ITPR2: variants seen among roughly 807,000 people sequenced by gnomAD.
ITPR2 encodes the protein inositol 1,4,5-trisphosphate-gated calcium channel ITPR2.
ITPR2 carries 207 observed loss-of-function variants against 317.1 expected under a neutral mutation model. The ratio of observed to expected loss-of-function variants is 0.65; its 90% CI spans 0.58 to 0.73. The LOEUF (loss-of-function observed/expected upper bound fraction) is 0.73. ITPR2 is among the 30% of genes least tolerant of loss of function. The pLI, the probability that ITPR2 is intolerant of heterozygous loss-of-function variation, is 0.00. For synonymous variants in ITPR2, 1,156 were observed against 1,149.1 expected (o/e 1.01, Z -0.12); for missense variants, 2,613 against 3,284.0 (o/e 0.80, Z 4.99).
intron 2 of ITPR2, among the ~76,000 whole-genome samples, chr12:26,753,402 T>C (rs1342817269): frequency 1.3e-5 from 2 of 152,146 alleles, no homozygotes; most frequent in African/African-American, 4.8e-5. Context: ...TCGTGGGACA[T>C]GGGGAGCTTT....
At chr12:26,781,732 G>A (rs1469623846) in intron 2 of ITPR2, among the ~76,000 whole-genome samples, 1 of 151,934 alleles carries the variant, frequency 6.6e-6, no homozygotes, top group African/African-American at 2.4e-5. Context: ...TGCCAAAGGA[G>A]ATTAACATCT....
Position 26,370,244 on chromosome 12 carries a change from G to A in ITPR2, c.7857+17190C>T, listed in dbSNP as rs139920652. Among the ~76,000 whole-genome samples, 719 of 152,264 alleles carry A rather than the reference G, an allele frequency of 4.7e-3. 7 individuals carry two copies. Among genetic ancestry groups the A allele is most frequent in the African/African-American group, 0.016 (671 of 41,540 alleles). On this transcript the variant is annotated intron_variant, in intron 55 of 56. Coordinates refer to ENST00000381340, the MANE Select transcript of ITPR2 (RefSeq NM_002223.4). The stretch of plus-strand genomic sequence containing the variant: ...TGGGGTCACCCAAAAAGCAGTTGGC[G>A]TATGAAGTAAGGGCATCTTTTTGAG...
At chr12:26,742,332 C>G (rs1347402488) in intron 2 of ITPR2, among the ~76,000 whole-genome samples, 2 of 152,176 alleles carry the variant, frequency 1.3e-5, no homozygotes, top group Non-Finnish European at 2.9e-5. Flanking sequence ...ACATAGATGT[C>G]ATGTTGAACA....
chr12:26,586,413 C>A (rs896127941), intron 32 of ITPR2, among the ~76,000 whole-genome samples: 2 of 152,154 alleles, frequency 1.3e-5, no homozygotes. Context: ...ACTGGGTTTA[C>A]AAGTGTGAGG....
intron 9 of ITPR2, among the ~76,000 whole-genome samples, chr12:26,707,897 CAA>C (rs11362693): frequency 2.4e-3 from 352 of 146,450 alleles, no homozygotes; most frequent in African/African-American, 8.0e-3. Flanking sequence ...ACTCAACAGA[CAA>C]AAAAAAAAAT....
rs1462780959 is a variant in ITPR2 at position 26,831,767 on chromosome 12, TA to T, written c.92+922del. The stretch of plus-strand genomic sequence containing the variant: ...ATATTCTACATAAAATATATAAATA[TA>T]TATTCTACATAAAATATATAAATAT... On this transcript the variant is annotated intron_variant, in intron 1 of 56. Coordinates refer to ENST00000381340, the MANE Select transcript of ITPR2 (RefSeq NM_002223.4). The surrounding 1 kb of genome is among the most constrained non-coding windows in gnomAD (Gnocchi z 4.9). Among the ~76,000 whole-genome samples the T allele has an allele frequency of 3.1e-5, 3 of 96,846 alleles. No individual in the cohort carries two copies. The highest frequency in any genetic ancestry group is 5.1e-3 in the Middle Eastern group (1 of 198). 63.5% of individuals were successfully genotyped at this position (96,846 alleles called of 152,430 possible).
At chr12:26,433,164 C>A (rs1941259164) in intron 48 of ITPR2, among the ~76,000 whole-genome samples, 3 of 152,190 alleles carry the variant, frequency 2.0e-5, no homozygotes, top group Non-Finnish European at 4.4e-5. Flanking sequence ...AGAACTATAA[C>A]CAGATGACCC....
rs1942883830 is a variant in ITPR2 at position 26,494,321 on chromosome 12, A to G, written c.5202T>C (p.Asp1734=). The G allele has an allele frequency of 6.2e-7, 1 of 1,606,714 alleles. No individual in the cohort carries two copies. The change falls in exon 39 of 57, where the codon GAT becomes GAC. Residue 1734 remains aspartate, a synonymous_variant. Coordinates refer to ENST00000381340, the MANE Select transcript of ITPR2 (RefSeq NM_002223.4). ...ACATTGATATCCCCATCTTATCTGA[A>G]TCTTGTCCAGAAAAGCTTCCTGTGA... ...AQVGGSFSGQ[D]SDKMGISMSD...
At chr12:26,815,168 A>G (rs1189125066) in intron 1 of ITPR2, among the ~76,000 whole-genome samples, 1 of 152,146 alleles carries the variant, frequency 6.6e-6, no homozygotes, top group Non-Finnish European at 1.5e-5. Context: ...GTGAAACCTC[A>G]TCTCCACCAA....
chr12:26,709,992 G>C (rs373706540), intron 9 of ITPR2, among the ~76,000 whole-genome samples: 4 of 152,260 alleles, frequency 2.6e-5, no homozygotes, highest in African/African-American at 9.6e-5. Flanking sequence ...TAATCCCAGG[G>C]CTTTGGGAGG....
At chr12:26,799,530 A>T (rs2137236592) in intron 1 of ITPR2, among the ~76,000 whole-genome samples, 1 of 152,348 alleles carries the variant, frequency 6.6e-6, no homozygotes, top group Admixed American at 6.5e-5. Context: ...AAAGAGTTAC[A>T]CATAGCCTTT....
At chr12:26,733,902 A>C (rs1949071312) in intron 2 of ITPR2, among the ~76,000 whole-genome samples, 1 of 152,240 alleles carries the variant, frequency 6.6e-6, no homozygotes, top group Non-Finnish European at 1.5e-5. Flanking sequence ...GCAAGCCTCC[A>C]AATTTCATTA....
chr12:26,534,115 G>C (rs987229443), intron 37 of ITPR2, among the ~76,000 whole-genome samples: 1 of 152,220 alleles, frequency 6.6e-6, no homozygotes, highest in Non-Finnish European at 1.5e-5. Context: ...CATCACGTCA[G>C]TGGCCTTCCA....
At chr12:26,807,478 G>A (rs913013139) in intron 1 of ITPR2, among the ~76,000 whole-genome samples, 2 of 152,156 alleles carry the variant, frequency 1.3e-5, no homozygotes, top group African/African-American at 4.8e-5. Context: ...GGCATCAGAG[G>A]GTAGGTGAGA....
At chr12:26,734,687 A>C (rs1949086799) in intron 2 of ITPR2, among the ~76,000 whole-genome samples, 1 of 151,798 alleles carries the variant, frequency 6.6e-6, no homozygotes, top group Admixed American at 6.6e-5. Flanking sequence ...ATGTAATAGC[A>C]ATATTTAGAG....
At chr12:26,509,079 C>A (rs1455995221) in intron 37 of ITPR2, among the ~76,000 whole-genome samples, 1 of 152,168 alleles carries the variant, frequency 6.6e-6, no homozygotes, top group Non-Finnish European at 1.5e-5. Flanking sequence ...AGTGCTGACA[C>A]CTGCTAGAAC....
intron 28 of ITPR2, among the ~76,000 whole-genome samples, chr12:26,601,669 T>C (rs1005546839): frequency 6.6e-6 from 1 of 152,080 alleles, no homozygotes; most frequent in Non-Finnish European, 1.5e-5. Flanking sequence ...ACACAATAAA[T>C]GAATAAGTTG....
rs1227654167 is a variant in ITPR2 at position 26,621,193 on chromosome 12, T to C, written c.3392A>G (p.Glu1131Gly). 3 of 1,613,962 alleles carry C rather than the reference T, an allele frequency of 1.9e-6. No homozygotes were observed. Among genetic ancestry groups the C allele is most frequent in the Non-Finnish European group, 1.7e-6 (2 of 1,179,888 alleles). Residue 1131 changes from glutamate to glycine, a missense_variant, in exon 26 of 57, where the codon GAG becomes GGG. By Grantham distance (98) the Glu-to-Gly change is moderately conservative. Around this residue, in one of 9 missense-constraint regions of ITPR2, gnomAD observed 817 missense variants for 897.6 expected, o/e 0.91. Transcript: ENST00000381340. ...TCCATTCTCATAGTTGCTGCTCTTCTCCACCCATAGCTCAGACTTTTCTAC... is the reference window on the plus strand; with the variant it reads ...TCCATTCTCATAGTTGCTGCTCTTCCCCACCCATAGCTCAGACTTTTCTAC... ...LTVEKSELWV[E>G]KSSNYENGEI...
At chr12:26,823,193 C>A (rs181387578) in intron 1 of ITPR2, among the ~76,000 whole-genome samples, 1 of 152,130 alleles carries the variant, frequency 6.6e-6, no homozygotes, top group Non-Finnish European at 1.5e-5. Context: ...CCTGACATTG[C>A]AGTTACTCAA....
Sources: allele counts gnomAD v4.1 joint callset (sites outside exome capture counted in the v4.1 genomes callset), GRCh38; gene constraint gnomAD v4.1.1; regional missense constraint gnomAD v4.1.1; non-coding constraint Gnocchi (gnomAD v3.1); transcripts MANE v1.5; gene names NCBI Gene and HGNC (gene_info 2026-07-23, HGNC 2026-07-21).